The following SLC22A23 variants were observed in gnomAD, a reference collection of about 807,000 sequenced individuals.
The protein encoded by SLC22A23 is ion transporter protein.
In SLC22A23, 26 loss-of-function variants were observed where a neutral mutation model predicts 61.0. The ratio of observed to expected loss-of-function variants is 0.43; its 90% CI spans 0.31 to 0.59. The LOEUF is 0.59. SLC22A23 is among the 20% of genes least tolerant of loss of function. The probability of loss-of-function intolerance (pLI) is 0.11; values close to 1 mark genes in which losing one functional copy is unlikely to be tolerated. For missense variants in SLC22A23, 796 were observed against 934.7 expected (o/e 0.85, Z 1.94); for synonymous variants, 430 against 413.9 (o/e 1.04, Z -0.47).
chr6:3,284,814 G>A, intron 8 of SLC22A23: 1 of 1,252,170 alleles, frequency 8.0e-7, no homozygotes, highest in African/African-American at 1.5e-5. Context: ...GGCCTGTGCT[G>A]AGCCTGGTGC....
intron 1 of SLC22A23, among the ~76,000 whole-genome samples, chr6:3,452,205 A>T (rs935184505): frequency 6.6e-6 from 1 of 152,144 alleles, no homozygotes; most frequent in Non-Finnish European, 1.5e-5. Context: ...ACAAGACACA[A>T]CACCATCCGA....
intron 3 of SLC22A23, among the ~76,000 whole-genome samples, chr6:3,362,435 A>AAAAAC (rs1765534910): frequency 1.8e-5 from 2 of 113,536 alleles, no homozygotes. Context: ...AAAATAAAAA[A>AAAAAC]TAAAAATTAG....
At chr6:3,382,874 G>A (rs1240652094) in intron 3 of SLC22A23, among the ~76,000 whole-genome samples, 1 of 152,172 alleles carries the variant, frequency 6.6e-6, no homozygotes, top group Non-Finnish European at 1.5e-5. Flanking sequence ...CATTGCTGCT[G>A]ATTACTGATG....
rs893338564 is a variant in SLC22A23 at position 3,317,959 on chromosome 6, C to T, written c.1082+5875G>A. On this transcript the variant is annotated intron_variant, in intron 4 of 9. Transcript: ENST00000406686. This position sits in a 1 kb window ranked among gnomAD's most constrained non-coding sequence, Gnocchi z 4.4. ...CCCCAGGCAGCTCGTGCAATGACAT[C>T]GCTCGCCTATCTTGGCTCCACTTGC... Among the ~76,000 whole-genome samples the T allele has an allele frequency of 2.6e-5, 4 of 152,136 alleles. No homozygotes were observed. Among genetic ancestry groups the T allele is most frequent in the Non-Finnish European group, 5.9e-5 (4 of 68,026 alleles).
At chr6:3,312,265 G>A (rs1024547553) in intron 4 of SLC22A23, 2 of 152,164 alleles carry the variant, frequency 1.3e-5, no homozygotes, top group African/African-American at 4.8e-5. Flanking sequence ...CCATGTGGCT[G>A]GGTTAACCTT....
At chr6:3,339,587 A>G (rs1487548568) in intron 3 of SLC22A23, among the ~76,000 whole-genome samples, 1 of 152,194 alleles carries the variant, frequency 6.6e-6, no homozygotes, top group East Asian at 1.9e-4. Flanking sequence ...CCTTACTGAT[A>G]AAACAGGTTG....
chr6:3,369,063 T>TA, intron 3 of SLC22A23, among the ~76,000 whole-genome samples: 1 of 148,800 alleles, frequency 6.7e-6, no homozygotes, highest in African/African-American at 2.5e-5. Context: ...TTTTTTTTTT[T>TA]ATGAAAATAC....
chr6:3,417,424 G>A (rs1235136726), intron 1 of SLC22A23, among the ~76,000 whole-genome samples: 2 of 152,218 alleles, frequency 1.3e-5, no homozygotes, highest in Non-Finnish European at 2.9e-5. Context: ...GGAATTTGCT[G>A]TTGTCAGGGT....
intron 1 of SLC22A23, among the ~76,000 whole-genome samples, chr6:3,435,390 TTC>T (rs1347870474): frequency 1.3e-5 from 2 of 151,596 alleles, no homozygotes; most frequent in Non-Finnish European, 2.9e-5. Context: ...TTTTCCCCCT[TTC>T]CTTTCCCTCC....
Position 3,272,947 on chromosome 6 carries a change from G to T in SLC22A23, c.*108C>A. On this transcript the variant is annotated 3_prime_UTR_variant, in exon 10 of 10. Transcript: ENST00000406686. ...TTCCCCACACCAGTTGAGAGGCTCAGCTTGGCTGAGGCAGCTTTCCCACCC... is the reference window on the plus strand; with the variant it reads ...TTCCCCACACCAGTTGAGAGGCTCATCTTGGCTGAGGCAGCTTTCCCACCC... The T allele has an allele frequency of 9.8e-7, 1 of 1,025,626 alleles. No homozygotes were observed. The highest frequency in any genetic ancestry group is 1.4e-6 in the Non-Finnish European group (1 of 709,756). 63.5% of individuals were successfully genotyped at this position (1,025,626 alleles called of 1,614,324 possible). A position where few individuals can be genotyped will look rare whatever the true frequency, so the allele number is the denominator to read the frequency against.
chr6:3,274,053 CAGAG>C (rs1182696075), intron 9 of SLC22A23, among the ~76,000 whole-genome samples: 3 of 152,316 alleles, frequency 2.0e-5, no homozygotes, highest in Admixed American at 1.3e-4. Context: ...TGTGCACTGA[CAGAG>C]AGGAACTCAC....
Position 3,456,264 on chromosome 6 carries a change from A to C in SLC22A23, c.296T>G (p.Leu99Arg). Reference protein sequence around the residue: ...GGLGGGYQKTLVLLTWIPALF... With the variant: ...GGLGGGYQKTRVLLTWIPALF... Reference sequence around the variant, plus strand: ...CGCCGGGATCCAGGTGAGCAGCACGAGGGTCTTCTGATAGCCCCCGCCCAG... The same window carrying C: ...CGCCGGGATCCAGGTGAGCAGCACGCGGGTCTTCTGATAGCCCCCGCCCAG... Residue 99 changes from leucine to arginine, a missense_variant, in exon 1 of 10, where the codon CTC becomes CGC. Physicochemically the swap from Leu to Arg is moderately radical, Grantham distance 102. Transcript: ENST00000406686. The surrounding 1 kb of genome is among the most constrained non-coding windows in gnomAD (Gnocchi z 7.1). 2 of 1,551,278 alleles carry C rather than the reference A, an allele frequency of 1.3e-6. No homozygotes were observed. The highest frequency in any genetic ancestry group is 1.7e-6 in the Non-Finnish European group (2 of 1,146,832).
intron 1 of SLC22A23, among the ~76,000 whole-genome samples, chr6:3,418,864 G>A (rs556687090): frequency 2.0e-5 from 3 of 152,322 alleles, no homozygotes; most frequent in South Asian, 2.1e-4. Context: ...GTAGGGTAGC[G>A]CTGGGGGAAC....
rs1298121736 is a variant in SLC22A23 at position 3,427,071 on chromosome 6, G to A, written c.655-11216C>T. On this transcript the variant is annotated intron_variant, in intron 1 of 9. Transcript: ENST00000406686. The surrounding 1 kb of genome is among the most constrained non-coding windows in gnomAD (Gnocchi z 4.3). ...CAGCTGGGATGCAGGCTAAGAGCTCGGAGTTTGAGCCTGATAAGCCCCAGT... is the reference window on the plus strand; with the variant it reads ...CAGCTGGGATGCAGGCTAAGAGCTCAGAGTTTGAGCCTGATAAGCCCCAGT... Among the ~76,000 whole-genome samples the A allele has an allele frequency of 5.3e-5, 8 of 152,200 alleles. No individual in the cohort carries two copies. The highest frequency in any genetic ancestry group is 3.9e-4 in the Admixed American group (6 of 15,286).
intron 1 of SLC22A23, chr6:3,439,418 T>C (rs1581893680): frequency 2.5e-6 from 1 of 402,888 alleles, no homozygotes; most frequent in Non-Finnish European, 4.9e-6. Context: ...TGGACGAAGA[T>C]GGGCCCGTTC....
intron 1 of SLC22A23, among the ~76,000 whole-genome samples, chr6:3,442,643 C>T (rs1219777994): frequency 1.3e-5 from 2 of 152,072 alleles, no homozygotes; most frequent in African/African-American, 4.8e-5. Context: ...AATTACGATG[C>T]TAAGTACATA....
chr6:3,388,460 T>A (rs1053794162), intron 3 of SLC22A23, among the ~76,000 whole-genome samples: 68 of 152,234 alleles, frequency 4.5e-4, no homozygotes, highest in African/African-American at 1.6e-3. Flanking sequence ...CTGGTGGGAA[T>A]GTCAGATGGA....
At chr6:3,441,243 G>A (rs970637186) in intron 1 of SLC22A23, among the ~76,000 whole-genome samples, 1 of 152,158 alleles carries the variant, frequency 6.6e-6, no homozygotes, top group African/African-American at 2.4e-5. Flanking sequence ...CTGGCTTGAG[G>A]GGCTGTGGAC....
In SLC22A23 at chr6:3,410,558, A is replaced by C. The variant is rs28434220; in HGVS notation, c.759-216T>G. ...CCTAATTCTCGAGATAAGGGAGCAG[A>C]GATCAACCAATTACAGAGTAAGAGA... On this transcript the variant is annotated intron_variant, in intron 2 of 9. Coordinates refer to ENST00000406686, the MANE Select transcript of SLC22A23 (RefSeq NM_015482.2). The surrounding 1 kb of genome is among the most constrained non-coding windows in gnomAD (Gnocchi z 5.0). Among the ~76,000 whole-genome samples the C allele has an allele frequency of 0.051, 7,739 of 152,192 alleles. 643 individuals carry two copies. Among genetic ancestry groups the C allele is most frequent in the African/African-American group, 0.18 (7,327 of 41,452 alleles).
Sources: allele counts gnomAD v4.1 joint callset (sites outside exome capture counted in the v4.1 genomes callset), GRCh38; gene constraint gnomAD v4.1.1; non-coding constraint Gnocchi (gnomAD v3.1); transcripts MANE v1.5; gene names NCBI Gene and HGNC (gene_info 2026-07-23, HGNC 2026-07-21).